TANC2: variants seen among roughly 807,000 people sequenced by gnomAD.
TANC2 encodes protein TANC2.
Under a neutral mutation model 210.5 loss-of-function variants are expected in TANC2, and 26 were observed. The observed-to-expected ratio is 0.12, with a 90% CI of 0.09 to 0.17. The LOEUF (loss-of-function observed/expected upper bound fraction) is 0.17. Among genes scored for constraint, TANC2 ranks in the 10% least tolerant of loss-of-function variants. The probability of loss-of-function intolerance (pLI) is 1.00; values close to 1 mark genes in which losing one functional copy is unlikely to be tolerated. For synonymous variants in TANC2, 931 were observed against 967.1 expected, an observed-to-expected ratio of 0.96 and a Z score of 0.69; for missense variants, 2,129 against 2,608.9, an observed-to-expected ratio of 0.82 and a Z score of 4.01.
chr17:63,206,505 A>G (rs1181127742), intron 7 of TANC2, among the ~76,000 whole-genome samples: 1 of 152,232 alleles, frequency 6.6e-6, no homozygotes, highest in African/African-American at 2.4e-5. Flanking sequence ...CATGCAATGA[A>G]ATATTATTCA....
At chr17:63,029,102 A>G (rs978743636) in intron 2 of TANC2, among the ~76,000 whole-genome samples, 1 of 152,118 alleles carries the variant, frequency 6.6e-6, no homozygotes, top group Non-Finnish European at 1.5e-5. Flanking sequence ...GATTCAGCAT[A>G]CATTTATTAA....
At chr17:63,094,648 G>A (rs1332574707) in intron 3 of TANC2, among the ~76,000 whole-genome samples, 2 of 152,104 alleles carry the variant, frequency 1.3e-5, no homozygotes, top group East Asian at 3.9e-4. Context: ...CTGTTAACTT[G>A]AACTTTAATA....
intron 21 of TANC2, among the ~76,000 whole-genome samples, chr17:63,408,948 G>A (rs573809185): frequency 6.6e-6 from 1 of 152,170 alleles, no homozygotes; most frequent in Non-Finnish European, 1.5e-5. Context: ...AGGCCTTACA[G>A]TCTGGGTCTT....
intron 4 of TANC2, among the ~76,000 whole-genome samples, chr17:63,131,564 T>C (rs2038920854): frequency 6.6e-6 from 1 of 151,994 alleles, no homozygotes; most frequent in Admixed American, 6.6e-5. Flanking sequence ...CACCAGTTGC[T>C]TAGGTTGGAA....
chr17:63,419,913 T>C, intron 27 of TANC2, 86 bp from the exon 28 acceptor site: 6 of 1,430,476 alleles, frequency 4.2e-6, no homozygotes, highest in Non-Finnish European at 5.5e-6. Flanking sequence ...CACAGCTCTC[T>C]GAGATAGTGA....
chr17:63,094,858 A>G (rs946647814), intron 3 of TANC2, among the ~76,000 whole-genome samples: 1 of 152,174 alleles, frequency 6.6e-6, no homozygotes, highest in Non-Finnish European at 1.5e-5. Context: ...AAATTCTGCC[A>G]CATCTCCATC....
intron 2 of TANC2, among the ~76,000 whole-genome samples, chr17:63,073,560 T>C (rs1465437587): frequency 6.6e-6 from 1 of 152,210 alleles, no homozygotes; most frequent in Non-Finnish European, 1.5e-5. Flanking sequence ...TTATTTGATG[T>C]GCTGTTGTAC....
intron 4 of TANC2, among the ~76,000 whole-genome samples, chr17:63,109,856 T>C (rs2145014144): frequency 6.6e-6 from 1 of 151,812 alleles, no homozygotes; most frequent in Non-Finnish European, 1.5e-5. Context: ...TCCTACCCAT[T>C]AGTCCTAGTT....
intron 9 of TANC2, among the ~76,000 whole-genome samples, chr17:63,312,261 T>C (rs2045150275): frequency 6.6e-6 from 1 of 152,162 alleles, no homozygotes; most frequent in Admixed American, 6.5e-5. Context: ...GACATATGCA[T>C]GCGTATGTTC....
At chr17:63,126,378 C>T (rs950408256) in intron 4 of TANC2, among the ~76,000 whole-genome samples, 3 of 152,154 alleles carry the variant, frequency 2.0e-5, no homozygotes, top group Non-Finnish European at 4.4e-5. Context: ...AGCCTTTACT[C>T]ACTAAGGTTT....
At chr17:63,340,174 C>T in exon 12 of TANC2, 1 of 1,613,948 alleles carries the variant, frequency 6.2e-7, no homozygotes, top group Non-Finnish European at 8.5e-7. Flanking sequence ...CACAATGTTG[C>T]TGCCTTGCTC....
At chr17:63,341,487 CT>C (rs1435774922) in intron 12 of TANC2, among the ~76,000 whole-genome samples, 3 of 152,228 alleles carry the variant, frequency 2.0e-5, no homozygotes, top group Non-Finnish European at 4.4e-5. Context: ...TCATCCTGGT[CT>C]TTCCTGGTTC....
At chr17:63,141,213 A>G (rs1414224266) in intron 4 of TANC2, among the ~76,000 whole-genome samples, 1 of 151,724 alleles carries the variant, frequency 6.6e-6, no homozygotes, top group African/African-American at 2.4e-5. Flanking sequence ...GAAAAATTAC[A>G]AAGGTCGAAT....
At chr17:62,984,225 A>C (rs760421149) in intron 1 of TANC2, among the ~76,000 whole-genome samples, 1 of 152,014 alleles carries the variant, frequency 6.6e-6, no homozygotes, top group Non-Finnish European at 1.5e-5. Flanking sequence ...TGTCTCCAGG[A>C]ATTTATCTAT....
rs1462406832 is a variant in TANC2 at position 63,055,980 on chromosome 17, AAAAAAAAAAAATATATATATAT to A, written c.68-17961_68-17940del. ...TCATCTCTACCAAAAAAAAAAAAAA[AAAAAAAAAAAATATATATATAT>A]ATATATATATATATATATATATGCC... On this transcript the variant is annotated intron_variant, in intron 2 of 27. Coordinates refer to ENST00000689528, the Ensembl canonical transcript of TANC2. Among the ~76,000 whole-genome samples, 13 of 26,652 alleles carry A rather than the reference AAAAAAAAAAAATATATATATAT, an allele frequency of 4.9e-4. No individual in the cohort carries two copies. In the South Asian group the frequency reaches 0.017, roughly 34 times the overall value. The allele number at this position is 26,652 out of a possible 152,430, so 17.5% of individuals were successfully genotyped here. A position where few individuals can be genotyped will look rare whatever the true frequency, so the allele number is the denominator to read the frequency against.
intron 5 of TANC2, among the ~76,000 whole-genome samples, chr17:63,184,764 A>G (rs981843012): frequency 4.7e-5 from 7 of 149,366 alleles, no homozygotes; most frequent in Admixed American, 2.7e-4. Context: ...AGCTATTCTC[A>G]TGTTTCAGCC....
chr17:63,382,667 T>G (rs1192756378), intron 15 of TANC2, among the ~76,000 whole-genome samples: 3 of 152,244 alleles, frequency 2.0e-5, no homozygotes, highest in Non-Finnish European at 4.4e-5. Flanking sequence ...AACGCTTTTG[T>G]ATTTCTCTTT....
At chr17:63,004,945 AATC>A (rs1391901052) in intron 1 of TANC2, 1 of 211,488 alleles carries the variant, frequency 4.7e-6, no homozygotes, top group Non-Finnish European at 9.4e-6. Context: ...TATCCCCTTC[AATC>A]CTTCTCGTGG....
chr17:63,307,202 G>A (rs181014998), intron 9 of TANC2, among the ~76,000 whole-genome samples: 27 of 152,256 alleles, frequency 1.8e-4, no homozygotes, highest in Middle Eastern at 3.4e-3. Flanking sequence ...AGGGTTTTGC[G>A]TAGGGGAGTG....
Sources: gnomAD v4.1 joint callset for allele counts (sites outside exome capture counted in the v4.1 genomes callset) on GRCh38, gnomAD v4.1.1 for gene constraint, MANE v1.5 for transcripts, NCBI Gene and HGNC (gene_info 2026-07-23, HGNC 2026-07-21) for gene names.